SLC9C1: variants seen among roughly 807,000 people sequenced by gnomAD.
The protein encoded by SLC9C1 is solute carrier family 9 member C1.
In SLC9C1, 97 loss-of-function variants were observed where a neutral mutation model predicts 140.9. That is an observed-to-expected ratio of 0.69 (90% CI 0.58 to 0.82). The LOEUF is 0.82. SLC9C1 is among the 40% of genes least tolerant of loss of function. SLC9C1 has a pLI of 0.00. For missense variants in SLC9C1, 1,340 were observed against 1,389.3 expected (o/e 0.96, Z 0.56); for synonymous variants, 440 against 442.6 (o/e 0.99, Z 0.07).
At chr3:112,204,165 T>C in intron 17 of SLC9C1, 53 bp downstream of exon 17, 5 of 1,381,646 alleles carry the variant, frequency 3.6e-6, no homozygotes, top group Non-Finnish European at 4.7e-6. Context: ...TACTCTATGT[T>C]TTATGAAACA....
rs150109981 is a variant in SLC9C1, at chr3:112,267,720, A to G, written c.776-1380T>C. ...ATTACATTATTGAGTTTTCCCTTCT[A>G]AAGATGGAAAATTACAAGTTGTCTA... On this transcript the variant is annotated intron_variant, in intron 7 of 28. Transcript: ENST00000305815. Among the ~76,000 whole-genome samples the G allele has an allele frequency of 6.4e-3, 973 of 152,196 alleles. 7 individuals carry two copies. The highest frequency in any genetic ancestry group is 0.041 in the South Asian group (197 of 4,824).
Position 112,264,255 on chromosome 3 carries a change from CTA to C in SLC9C1, c.965_966del (p.Ile322ArgfsTer4), listed in dbSNP as rs2079856416. 1 of 1,387,254 alleles carries C rather than the reference CTA, an allele frequency of 7.2e-7. No homozygotes were observed. Among genetic ancestry groups the C allele is most frequent in the Admixed American group, 2.4e-5 (1 of 41,002 alleles). The allele number at this position is 1,387,254 out of a possible 1,614,324, so 85.9% of individuals were successfully genotyped here. A position where few individuals can be genotyped will look rare whatever the true frequency, so the allele number is the denominator to read the frequency against. On this transcript the variant is annotated frameshift_variant, in exon 9 of 29. Coordinates refer to ENST00000305815, the MANE Select transcript of SLC9C1 (RefSeq NM_183061.3). LOFTEE classifies it high-confidence loss of function. The part of the protein sequence containing the change: ...LLIPAHTYLY[I>X]EFVDIYYSLN... ...AATGAATAGTATATATCAACAAATT[CTA>C]TATACAAATATGTATGTGCAGGAAT...
In SLC9C1 at chr3:112,231,850, A is replaced by T. The variant is rs74576997; in HGVS notation, c.1447-364T>A. On this transcript the variant is annotated intron_variant, in intron 12 of 28. Transcript: ENST00000305815. ...AATTGTTAGAAACGTGCATTCTCAG[A>T]TCCCACCTTAGACCTAGTGAATCAT... 9.7e-3 allele frequency among the ~76,000 whole-genome samples: 1,479 copies of T among 152,286 alleles called. 28 individuals carry two copies. Among genetic ancestry groups the T allele is most frequent in the African/African-American group, 0.034 (1,397 of 41,558 alleles).
chr3:112,238,501 G>T (rs1449228592), intron 12 of SLC9C1, among the ~76,000 whole-genome samples: 1 of 152,192 alleles, frequency 6.6e-6, no homozygotes, highest in African/African-American at 2.4e-5. Flanking sequence ...TGCTGGTGAG[G>T]AGCTGCGTTC....
intron 20 of SLC9C1, among the ~76,000 whole-genome samples, chr3:112,184,831 A>G (rs1203967376): frequency 1.3e-5 from 2 of 152,150 alleles, no homozygotes; most frequent in African/African-American, 2.4e-5. Context: ...GGGCATAGAC[A>G]GGGTATAGTG....
rs1307803911 is a variant in SLC9C1 at position 112,264,280 on chromosome 3, A to T, written c.942T>A (p.Ile314=). ...CTATATACAAATATGTATGTGCAGG[A>T]ATTAGAAGTCCAAAGAAAGTAAACA... is the stretch of plus-strand genomic sequence containing the variant. The part of the protein sequence containing the change: ...LMVFTFFGLL[I]PAHTYLYIEF... Residue 314 remains isoleucine (I), a synonymous_variant, in exon 9 of 29, where the codon ATT becomes ATA. Transcript: ENST00000305815. The T allele has an allele frequency of 4.1e-6, 6 of 1,472,312 alleles. No individual in the cohort carries two copies. Among genetic ancestry groups the T allele is most frequent in the Non-Finnish European group, 5.4e-6 (6 of 1,106,492 alleles). The allele number at this position is 1,472,312 out of a possible 1,614,324, so 91.2% of individuals were successfully genotyped here. A position where few individuals can be genotyped will look rare whatever the true frequency, so the allele number is the denominator to read the frequency against.
chr3:112,216,283 A>G (rs377297926), intron 15 of SLC9C1, among the ~76,000 whole-genome samples: 12 of 152,206 alleles, frequency 7.9e-5, no homozygotes, highest in East Asian at 1.9e-4. Context: ...TACCATTCAG[A>G]ACATAGGCAT....
At position 112,202,381 on chromosome 3, in the gene SLC9C1, G is replaced by A. The variant is rs1295439786; in HGVS notation, c.2191C>T (p.Leu731=). 2 of 1,598,628 alleles carry A rather than the reference G, an allele frequency of 1.3e-6. No individual in the cohort carries two copies. Among genetic ancestry groups the A allele is most frequent in the South Asian group, 1.1e-5 (1 of 87,326 alleles). Residue 731 remains leucine, a synonymous_variant, in exon 18 of 29, where the codon CTG becomes TTG. Transcript: ENST00000305815. The part of the protein sequence containing the change: ...RIFKLIAPKL[L]QIIDKRMSHQ... ...CTCATTCTTTTATCTATTATTTGCA[G>A]CAACTTTGGTGCTATGAGCTGAATT...
At chr3:112,164,926 G>C (rs1248497249) in intron 26 of SLC9C1, among the ~76,000 whole-genome samples, 1 of 152,000 alleles carries the variant, frequency 6.6e-6, no homozygotes, top group African/African-American at 2.4e-5. Context: ...ACGTAGATTT[G>C]GTCTTTTCAC....
chr3:112,264,236 T>C lies in SLC9C1; in HGVS notation c.986A>G (p.Tyr329Cys), dbSNP rs779280371. ...YLYIEFVDIY[Y>C]SLNIYLTLIV... ...CAATGTTAAGTAGATATTTAATGAATAGTATATATCAACAAATTCTATATA... is the reference window on the plus strand; with the variant it reads ...CAATGTTAAGTAGATATTTAATGAACAGTATATATCAACAAATTCTATATA... Residue 329 changes from tyrosine (Y) to cysteine (C), a missense_variant, in exon 9 of 29, where the codon TAT (tyrosine) becomes TGT (cysteine). Tyr to Cys is a radical substitution (Grantham distance 194). Coordinates refer to ENST00000305815, the MANE Select transcript of SLC9C1 (RefSeq NM_183061.3). 3 of 1,307,966 alleles carry C rather than the reference T, an allele frequency of 2.3e-6. No individual in the cohort carries two copies. Among genetic ancestry groups the C allele is most frequent in the South Asian group, 3.7e-5 (2 of 54,300 alleles). The allele number at this position is 1,307,966 out of a possible 1,614,324, so 81.0% of individuals were successfully genotyped here.
chr3:112,181,096 A>T (rs1453792900), intron 21 of SLC9C1, among the ~76,000 whole-genome samples: 1 of 152,336 alleles, frequency 6.6e-6, no homozygotes, highest in East Asian at 1.9e-4. Context: ...CATTTAAAAA[A>T]TTACTATCAT....
intron 26 of SLC9C1, among the ~76,000 whole-genome samples, chr3:112,161,536 C>T (rs1374274277): frequency 6.6e-6 from 1 of 152,136 alleles, no homozygotes; most frequent in Non-Finnish European, 1.5e-5. Flanking sequence ...GAATCCTTTC[C>T]TCATTGCTTA....
intron 23 of SLC9C1, among the ~76,000 whole-genome samples, chr3:112,172,358 G>A (rs1264729568): frequency 1.5e-5 from 2 of 135,930 alleles, no homozygotes; most frequent in African/African-American, 5.5e-5. Flanking sequence ...TTTATTTCCA[G>A]TTGTTTGTTA....
At chr3:112,222,987 G>C (rs137912660) in intron 13 of SLC9C1, among the ~76,000 whole-genome samples, 6 of 152,002 alleles carry the variant, frequency 3.9e-5, no homozygotes, top group African/African-American at 1.4e-4. Flanking sequence ...GTAGACAAGA[G>C]ACACTAGCCA....
chr3:112,180,710 T>G, intron 21 of SLC9C1, 48 bp from the exon 22 acceptor site: 1 of 1,448,522 alleles, frequency 6.9e-7, no homozygotes. Context: ...ATTTTAGAAG[T>G]GGTTGGGAAT....
In SLC9C1 at chr3:112,288,447, A is replaced by G. The variant is rs12634746; in HGVS notation, c.-87-1569T>C. Among the ~76,000 whole-genome samples, 35 of 152,306 alleles carry G rather than the reference A, an allele frequency of 2.3e-4. No homozygotes were observed. The East Asian group carries it at 5.8e-3, about 25-fold the overall frequency. On this transcript the variant is annotated intron_variant, in intron 1 of 28. Coordinates refer to ENST00000305815, the MANE Select transcript of SLC9C1 (RefSeq NM_183061.3). ...ATAACATTCACAAAGCTTGTAACAT[A>G]TTACCACCAAGGTAAAAGTGCATAC...
At chr3:112,152,474 G>T (rs995940546) in intron 27 of SLC9C1, among the ~76,000 whole-genome samples, 1 of 152,052 alleles carries the variant, frequency 6.6e-6, no homozygotes, top group South Asian at 2.1e-4. Flanking sequence ...GTTTTACACC[G>T]AGACATTCCA....
In SLC9C1 at chr3:112,198,050, AC is replaced by A. The variant is rs1395124999; in HGVS notation, c.2523+1270del. Reference sequence around the variant, plus strand: ...GCAGAATTTAGTACTACTAGTAGGAACCATATGGCCTACATTATATAAAATA... The same window carrying A: ...GCAGAATTTAGTACTACTAGTAGGAACATATGGCCTACATTATATAAAATA... On this transcript the variant is annotated intron_variant, in intron 20 of 28. Coordinates refer to ENST00000305815, the MANE Select transcript of SLC9C1 (RefSeq NM_183061.3). Among the ~76,000 whole-genome samples, 9 of 152,196 alleles carry A rather than the reference AC, an allele frequency of 5.9e-5. No individual in the cohort carries two copies. The East Asian group carries it at 1.7e-3, about 29-fold the overall frequency.
intron 26 of SLC9C1, among the ~76,000 whole-genome samples, chr3:112,162,457 T>C (rs1461348050): frequency 6.6e-6 from 1 of 152,150 alleles, no homozygotes; most frequent in African/African-American, 2.4e-5. Flanking sequence ...CAATACCGAA[T>C]TTATTGAGAG....
Sources: allele counts gnomAD v4.1 joint callset (sites outside exome capture counted in the v4.1 genomes callset), GRCh38; gene constraint gnomAD v4.1.1; transcripts MANE v1.5; gene names NCBI Gene and HGNC (gene_info 2026-07-23, HGNC 2026-07-21).